The following DACH1 variants were observed in gnomAD, a reference collection of about 807,000 sequenced individuals.
DACH1 encodes the protein dachshund family transcription factor 1, also known as dachshund homolog 1.
DACH1 carries 12 observed loss-of-function variants against 54.2 expected under a neutral mutation model. The ratio of observed to expected loss-of-function variants is 0.22; its 90% CI spans 0.14 to 0.36. DACH1 has a LOEUF of 0.36. DACH1 is among the 10% of genes least tolerant of loss of function. The pLI, the probability that DACH1 is intolerant of heterozygous loss-of-function variation, is 1.00. For missense variants in DACH1, 805 were observed against 929.8 expected, an observed-to-expected ratio of 0.87 and a Z score of 1.75; for synonymous variants, 386 against 366.2, an observed-to-expected ratio of 1.05 and a Z score of -0.62.
chr13:71,612,913 T>C (rs558698255), intron 3 of DACH1, among the ~76,000 whole-genome samples: 1 of 152,282 alleles, frequency 6.6e-6, no homozygotes, highest in Admixed American at 6.5e-5. Context: ...AAGAATTCAT[T>C]CAGGACTATT....
chr13:71,780,319 A>AT, intron 1 of DACH1, among the ~76,000 whole-genome samples: 1 of 152,272 alleles, frequency 6.6e-6, no homozygotes, highest in East Asian at 1.9e-4. Flanking sequence ...TGATATTAAC[A>AT]TTTTTATGTG....
intron 1 of DACH1, among the ~76,000 whole-genome samples, chr13:71,692,822 G>A (rs1489590544): frequency 6.6e-5 from 10 of 151,798 alleles, no homozygotes; most frequent in African/African-American, 1.2e-4. Flanking sequence ...CACCCAGCCC[G>A]TTCACCTATT....
chr13:71,746,054 C>T (rs942782851), intron 1 of DACH1, among the ~76,000 whole-genome samples: 2 of 152,018 alleles, frequency 1.3e-5, no homozygotes, highest in African/African-American at 4.8e-5. Context: ...CCCCTCTCTA[C>T]TAAAAATACA....
chr13:71,758,603 T>C (rs543812574), intron 1 of DACH1, among the ~76,000 whole-genome samples: 41 of 152,132 alleles, frequency 2.7e-4, no homozygotes, highest in Non-Finnish European at 4.6e-4. Context: ...AAGAATAGCT[T>C]GAAATACCTT....
intron 3 of DACH1, among the ~76,000 whole-genome samples, chr13:71,620,877 AT>A (rs150048168): frequency 0.053 from 8,042 of 151,728 alleles, 713 homozygotes; most frequent in African/African-American, 0.18. Flanking sequence ...TGAATTATTT[AT>A]TTTTTTTAAA....
chr13:71,676,465 G>A (rs950011873), intron 2 of DACH1, among the ~76,000 whole-genome samples: 4 of 152,138 alleles, frequency 2.6e-5, no homozygotes, highest in Non-Finnish European at 5.9e-5. Flanking sequence ...TGATCCACCC[G>A]CCTCGGCCCC....
chr13:71,670,521 T>C (rs548919822), intron 2 of DACH1, among the ~76,000 whole-genome samples: 28 of 152,206 alleles, frequency 1.8e-4, no homozygotes, highest in African/African-American at 6.7e-4. Context: ...TGTCATTAAG[T>C]CCCTAAAAAG....
intron 2 of DACH1, chr13:71,675,310 C>A (rs1219118356): frequency 1.9e-6 from 3 of 1,601,220 alleles, no homozygotes; most frequent in Non-Finnish European, 2.6e-6. Flanking sequence ...TAAAACAGAT[C>A]TGCGCTTCCA....
chr13:71,654,429 TAAAATA>T (rs1878920029), intron 2 of DACH1, among the ~76,000 whole-genome samples: 2 of 120,820 alleles, frequency 1.7e-5, no homozygotes, highest in South Asian at 5.0e-4. Context: ...TAAAATAAAA[TAAAATA>T]AAATAAAATA....
At position 71,866,115 on chromosome 13, in the gene DACH1, G is replaced by C. The variant is rs559041116; in HGVS notation, c.655C>G (p.Leu219Val). Residue 219 changes from leucine to valine, a missense_variant, in exon 1 of 11, where the codon CTG (leucine) becomes GTG (valine). Physicochemically the swap from Leu to Val is conservative, Grantham distance 32. Coordinates refer to ENST00000613252, the MANE Select transcript of DACH1 (RefSeq NM_080759.6). ...ICLPQAFDLF[L>V]KHLVGGLHTV... The stretch of plus-strand genomic sequence containing the variant: ...TGCAAGCCCCCCACCAAGTGCTTCA[G>C]GAACAGGTCGAAAGCCTGGGGCAGG... 1 of 1,613,770 alleles carries C rather than the reference G, an allele frequency of 6.2e-7. No homozygotes were observed. Among genetic ancestry groups the C allele is most frequent in the South Asian group, 1.1e-5 (1 of 91,046 alleles).
intron 1 of DACH1, among the ~76,000 whole-genome samples, chr13:71,683,778 ATCTCT>A (rs1447509404): frequency 6.6e-6 from 1 of 151,860 alleles, no homozygotes. Context: ...TCCTTGAGTG[ATCTCT>A]TCTATTAGCA....
intron 1 of DACH1, among the ~76,000 whole-genome samples, chr13:71,840,008 A>C (rs1888953978): frequency 6.6e-6 from 1 of 152,076 alleles, no homozygotes. Context: ...GTGCAGTAGC[A>C]CGATCTTGGC....
At position 71,732,825 on chromosome 13, in the gene DACH1, C is replaced by A. The variant is rs114052667; in HGVS notation, c.849-50915G>T. Among the ~76,000 whole-genome samples, 520 of 152,252 alleles carry A rather than the reference C, an allele frequency of 3.4e-3. 3 individuals carry two copies. The highest frequency in any genetic ancestry group is 0.011 in the African/African-American group (472 of 41,542). ...ACAGATATTTACTATCTAACCGTCTCTAGAAACAGTTTGTCAATCACTCCC... is the reference window on the plus strand; with the variant it reads ...ACAGATATTTACTATCTAACCGTCTATAGAAACAGTTTGTCAATCACTCCC... On this transcript the variant is annotated intron_variant, in intron 1 of 10. Transcript: ENST00000613252.
At chr13:71,710,418 TG>T (rs1332026509) in intron 1 of DACH1, among the ~76,000 whole-genome samples, 14 of 151,646 alleles carry the variant, frequency 9.2e-5, no homozygotes, top group African/African-American at 3.4e-4. Flanking sequence ...TAGAATTTTA[TG>T]GGGCCTGAAA....
intron 1 of DACH1, among the ~76,000 whole-genome samples, chr13:71,845,255 T>A (rs915302755): frequency 4.7e-5 from 7 of 150,130 alleles, no homozygotes; most frequent in African/African-American, 1.8e-4. Flanking sequence ...AAAAATGTTA[T>A]TATAAATAAA....
At chr13:71,644,310 T>A (rs1878122846) in intron 2 of DACH1, among the ~76,000 whole-genome samples, 1 of 152,240 alleles carries the variant, frequency 6.6e-6, no homozygotes, top group South Asian at 2.1e-4. Flanking sequence ...AACACTTTTA[T>A]CTTCTTAGCT....
chr13:71,831,582 T>G (rs887983735), intron 1 of DACH1, among the ~76,000 whole-genome samples: 1 of 151,896 alleles, frequency 6.6e-6, no homozygotes, highest in Admixed American at 6.6e-5. Context: ...TCTGATTCTA[T>G]GAAAGACCCC....
intron 1 of DACH1, chr13:71,704,562 C>G (rs1010133443): frequency 1.3e-5 from 6 of 461,736 alleles, no homozygotes; most frequent in Non-Finnish European, 2.6e-5. Flanking sequence ...AACTGAAGCA[C>G]CAGCCTGCTC....
chr13:71,832,470 T>C (rs1415911505), intron 1 of DACH1, among the ~76,000 whole-genome samples: 1 of 151,910 alleles, frequency 6.6e-6, no homozygotes, highest in Non-Finnish European at 1.5e-5. Context: ...GCAGAAAAAG[T>C]TAAACTAAGA....
Sources: allele counts gnomAD v4.1 joint callset (sites outside exome capture counted in the v4.1 genomes callset), GRCh38; gene constraint gnomAD v4.1.1; transcripts MANE v1.5; gene names NCBI Gene and HGNC (gene_info 2026-07-23, HGNC 2026-07-21).